The following SI variants were observed in gnomAD, a reference collection of about 807,000 sequenced individuals.
SI encodes sucrase-isomaltase, intestinal.
A neutral mutation model predicts 253.3 loss-of-function variants in SI; 235 were observed. The ratio of observed to expected loss-of-function variants is 0.93; its 90% CI spans 0.83 to 1.03. SI has a LOEUF of 1.03. Among genes scored for constraint, SI ranks in the 50% least tolerant of loss-of-function variants. SI has a pLI of 0.00. For missense variants in SI, 2,442 were observed against 2,211.1 expected, an observed-to-expected ratio of 1.10 and a Z score of -2.09; for synonymous variants, 819 against 712.0, an observed-to-expected ratio of 1.15 and a Z score of -2.39.
At chr3:165,054,127 T>A (rs1000806026) in intron 13 of SI, among the ~76,000 whole-genome samples, 5 of 152,152 alleles carry the variant, frequency 3.3e-5, no homozygotes, top group African/African-American at 1.2e-4. Context: ...ATTTGCTAAC[T>A]AAATGATTGA....
chr3:165,089,159 A>G, the SI span, among the ~76,000 whole-genome samples: 10 of 148,124 alleles, frequency 6.8e-5, no homozygotes, highest in Admixed American at 2.0e-4. Context: ...TAGTTTTCAT[A>G]TTGGCAAATT....
At chr3:165,061,076 C>T (rs1713963435) in intron 9 of SI, among the ~76,000 whole-genome samples, 1 of 151,616 alleles carries the variant, frequency 6.6e-6, no homozygotes, top group African/African-American at 2.4e-5. Flanking sequence ...TACTCCTAAA[C>T]ACCATATGTT....
intron 34 of SI, among the ~76,000 whole-genome samples, chr3:165,011,762 A>T (rs1307357358): frequency 1.4e-5 from 2 of 148,110 alleles, no homozygotes; most frequent in African/African-American, 4.9e-5. Flanking sequence ...TATTGTTATT[A>T]TTTATTTATT....
intron 44 of SI, among the ~76,000 whole-genome samples, chr3:164,987,640 T>A (rs1576867749): frequency 6.6e-6 from 1 of 151,530 alleles, no homozygotes; most frequent in Non-Finnish European, 1.5e-5. Context: ...ACCCGGGAGG[T>A]GGAGGTTCCA....
chr3:164,982,674 A>G (rs1405666104), intron 46 of SI, among the ~76,000 whole-genome samples: 1 of 152,018 alleles, frequency 6.6e-6, no homozygotes, highest in Admixed American at 6.6e-5. Flanking sequence ...AATATGCAAG[A>G]GAAGGGGAGG....
At chr3:165,089,891 G>A in the SI span, among the ~76,000 whole-genome samples, 90,733 of 151,700 alleles carry the variant, frequency 0.6, 27,328 homozygotes, top group East Asian at 0.81. Context: ...TGAAAAATAC[G>A]ACAGAGAGGC....
chr3:165,001,178 T>C (rs1367183329), intron 37 of SI, among the ~76,000 whole-genome samples: 2 of 151,374 alleles, frequency 1.3e-5, no homozygotes, highest in African/African-American at 2.4e-5. Flanking sequence ...TTTATAAACA[T>C]TTTCCAAACA....
chr3:165,029,601 C>CATATATATGTATATATATGTATATATAT (rs981000416), intron 25 of SI, among the ~76,000 whole-genome samples: 1 of 142,888 alleles, frequency 7.0e-6, no homozygotes, highest in East Asian at 2.0e-4. Context: ...TATATATATA[C>CATATATATGTATATATATGTATATATAT]ATATATATGT....
chr3:164,987,375 T>G, intron 44 of SI, 149 bp from the exon 45 acceptor site: 1 of 671,830 alleles, frequency 1.5e-6, no homozygotes. Context: ...GCATTTCCAT[T>G]TTTCTAAATT....
rs1166926043 is a variant in SI, at chr3:165,049,848, G to A, written c.1540C>T (p.Gln514Ter). ...ACATTACATCCTTTTGTTGAACCTT[G>A]AATAAAGCTGGAAACTTCATTCATG... ...IDMNEVSSFI[Q>*]GSTKGCNVNK... The change falls in exon 14 of 48, where the codon CAA (glutamine) becomes TAA (stop). Residue 514 changes from glutamine (Q) to a stop codon, truncating the protein, a stop_gained. Coordinates refer to ENST00000264382, the MANE Select transcript of SI (RefSeq NM_001041.4). LOFTEE classifies it high-confidence loss of function. The A allele has an allele frequency of 1.9e-6, 3 of 1,607,534 alleles. No homozygotes were observed. The highest frequency in any genetic ancestry group is 2.2e-5 in the East Asian group (1 of 44,590).
At chr3:165,054,245 C>T (rs1713575440) in intron 13 of SI, among the ~76,000 whole-genome samples, 1 of 152,050 alleles carries the variant, frequency 6.6e-6, no homozygotes, top group Non-Finnish European at 1.5e-5. Context: ...ATATAGTCAT[C>T]CTTAGTGTGT....
intron 26 of SI, 59 bp downstream of exon 26, chr3:165,023,511 A>T: frequency 9.1e-7 from 1 of 1,098,468 alleles, no homozygotes; most frequent in Non-Finnish European, 1.4e-6. Flanking sequence ...TCACAGGATT[A>T]TTCAAAATCT....
intron 25 of SI, among the ~76,000 whole-genome samples, chr3:165,029,276 A>G (rs1437368704): frequency 6.6e-6 from 1 of 151,074 alleles, no homozygotes; most frequent in Non-Finnish European, 1.5e-5. Context: ...AAAATAAAAA[A>G]AAAATAGATG....
intron 25 of SI, among the ~76,000 whole-genome samples, chr3:165,026,171 A>G (rs1305202795): frequency 6.7e-6 from 1 of 149,866 alleles, no homozygotes; most frequent in African/African-American, 2.5e-5. Flanking sequence ...ACTGAAAGCC[A>G]GAAGTAGCTA....
intron 7 of SI, among the ~76,000 whole-genome samples, chr3:165,064,755 T>A (rs1714154367): frequency 6.6e-6 from 1 of 152,054 alleles, no homozygotes; most frequent in Non-Finnish European, 1.5e-5. Context: ...CTGAATGATA[T>A]ATGAGTGATA....
chr3:165,044,125 T>A (rs1478400614), intron 16 of SI, among the ~76,000 whole-genome samples: 1 of 152,004 alleles, frequency 6.6e-6, no homozygotes, highest in Non-Finnish European at 1.5e-5. Context: ...GTATAAGGTG[T>A]ATATGAAACA....
intron 37 of SI, among the ~76,000 whole-genome samples, chr3:165,004,369 ACC>A (rs1718401913): frequency 6.6e-6 from 1 of 152,198 alleles, no homozygotes; most frequent in Non-Finnish European, 1.5e-5. Flanking sequence ...AATTCATACA[ACC>A]ACTATGAAGA....
At chr3:165,044,234 G>T (rs1560004933) in intron 16 of SI, among the ~76,000 whole-genome samples, 2 of 151,864 alleles carry the variant, frequency 1.3e-5, no homozygotes, top group Non-Finnish European at 2.9e-5. Flanking sequence ...ACACATTTTG[G>T]ATAGGGGTTA....
rs547751962 is a variant in SI, at chr3:165,018,139, A to C, written c.3424-73T>G. 2.0e-5 allele frequency: 18 copies of C among 898,196 alleles called. No individual in the cohort carries two copies. In the East Asian group the frequency reaches 4.4e-4, roughly 22 times the overall value. The allele number at this position is 898,196 out of a possible 1,614,324, so 55.6% of individuals were successfully genotyped here. ...GTGAATTTAATCAATGTTATTTTAA[A>C]ATTTATTATACAATCGAGACTTGAT... On this transcript the variant is annotated intron_variant, in intron 28 of 47. Coordinates refer to ENST00000264382, the MANE Select transcript of SI (RefSeq NM_001041.4).
Sources: allele counts gnomAD v4.1 joint callset (sites outside exome capture counted in the v4.1 genomes callset), GRCh38; gene constraint gnomAD v4.1.1; transcripts MANE v1.5; gene names NCBI Gene and HGNC (gene_info 2026-07-23, HGNC 2026-07-21).